FCHSD2: variants seen among roughly 807,000 people sequenced by gnomAD.
FCHSD2 encodes the protein F-BAR and double SH3 domains protein 2.
FCHSD2 carries 38 observed loss-of-function variants against 108.1 expected under a neutral mutation model. That is an observed-to-expected ratio of 0.35 (90% CI 0.27 to 0.46). FCHSD2 has a LOEUF of 0.46. FCHSD2 is among the 20% of genes least tolerant of loss of function. The pLI, the probability that FCHSD2 is intolerant of heterozygous loss-of-function variation, is 1.00. For missense variants in FCHSD2, 751 were observed against 897.8 expected, an observed-to-expected ratio of 0.84 and a Z score of 2.09; for synonymous variants, 279 against 314.7, an observed-to-expected ratio of 0.89 and a Z score of 1.20.
intron 2 of FCHSD2, among the ~76,000 whole-genome samples, chr11:73,133,070 A>T (rs2135573794): frequency 6.6e-6 from 1 of 152,270 alleles, no homozygotes; most frequent in Middle Eastern, 3.4e-3. Flanking sequence ...TTACAATATC[A>T]CTTCACATCC....
intron 13 of FCHSD2, among the ~76,000 whole-genome samples, chr11:72,857,709 C>G (rs931698349): frequency 6.6e-6 from 1 of 151,826 alleles, no homozygotes; most frequent in Non-Finnish European, 1.5e-5. Context: ...CTCGGCCTTC[C>G]AAAGTGCTTG....
At chr11:73,079,489 T>C (rs893882451) in intron 3 of FCHSD2, among the ~76,000 whole-genome samples, 10 of 152,152 alleles carry the variant, frequency 6.6e-5, no homozygotes, top group African/African-American at 9.7e-5. Flanking sequence ...TGAGCCACTT[T>C]GCCTGGCCTA....
chr11:73,064,885 AG>A (rs2135491870), intron 3 of FCHSD2, among the ~76,000 whole-genome samples: 1 of 152,362 alleles, frequency 6.6e-6, no homozygotes, highest in South Asian at 2.1e-4. Flanking sequence ...AACTAAAAAA[AG>A]TCCAGGACCA....
intron 14 of FCHSD2, 148 bp downstream of exon 14, chr11:72,849,607 A>G: frequency 1.5e-6 from 1 of 662,676 alleles, no homozygotes; most frequent in South Asian, 2.0e-5. Context: ...GTCAGAGCCT[A>G]AACTCATCAC....
At chr11:73,082,256 G>C (rs1034161680) in intron 3 of FCHSD2, among the ~76,000 whole-genome samples, 4 of 132,258 alleles carry the variant, frequency 3.0e-5, no homozygotes, top group African/African-American at 1.1e-4. Flanking sequence ...AGAATCGCTT[G>C]AATCTGGGAG....
At chr11:73,122,306 G>GT (rs1489789226) in intron 2 of FCHSD2, among the ~76,000 whole-genome samples, 2 of 152,050 alleles carry the variant, frequency 1.3e-5, no homozygotes, top group East Asian at 3.8e-4. Flanking sequence ...AAACTTCCCC[G>GT]TATTAGAGAC....
chr11:73,135,457 G>C (rs1215282222), intron 2 of FCHSD2, among the ~76,000 whole-genome samples: 1 of 151,806 alleles, frequency 6.6e-6, no homozygotes. Context: ...TTAAATTCTG[G>C]GTCACTGCAA....
At chr11:73,115,302 G>C (rs1422507455) in intron 2 of FCHSD2, among the ~76,000 whole-genome samples, 1 of 152,180 alleles carries the variant, frequency 6.6e-6, no homozygotes, top group East Asian at 1.9e-4. Context: ...GTATGGAAGA[G>C]GGGTGGCGTT....
intron 5 of FCHSD2, among the ~76,000 whole-genome samples, chr11:72,989,942 G>A (rs555660055): frequency 6.6e-6 from 1 of 152,176 alleles, no homozygotes; most frequent in African/African-American, 2.4e-5. Flanking sequence ...TATTGTGCAA[G>A]GGTGAATAGT....
At chr11:73,040,965 G>A (rs148783664) in intron 3 of FCHSD2, among the ~76,000 whole-genome samples, 22 of 152,232 alleles carry the variant, frequency 1.4e-4, no homozygotes, top group African/African-American at 4.8e-4. Flanking sequence ...ATATCAGTGA[G>A]TGAGAACATG....
chr11:72,934,420 T>C (rs1856259885), intron 8 of FCHSD2, among the ~76,000 whole-genome samples: 1 of 148,218 alleles, frequency 6.7e-6, no homozygotes, highest in South Asian at 2.2e-4. Flanking sequence ...AACCTCCACC[T>C]CCTGGGTTCA....
chr11:73,063,739 A>T (rs547288674), intron 3 of FCHSD2, among the ~76,000 whole-genome samples: 1 of 152,336 alleles, frequency 6.6e-6, no homozygotes, highest in South Asian at 2.1e-4. Context: ...AGAAGAGCTA[A>T]CTATCCTAAA....
chr11:72,925,596 C>T (rs957459154), intron 8 of FCHSD2, among the ~76,000 whole-genome samples: 4 of 152,184 alleles, frequency 2.6e-5, no homozygotes, highest in Non-Finnish European at 4.4e-5. Context: ...TTTGTTGCCA[C>T]GGTGTATTTC....
At chr11:72,905,817 T>C (rs1425198278) in intron 9 of FCHSD2, among the ~76,000 whole-genome samples, 2 of 152,218 alleles carry the variant, frequency 1.3e-5, no homozygotes, top group African/African-American at 4.8e-5. Flanking sequence ...ATGTGCTATA[T>C]TTTCTTAATC....
intron 5 of FCHSD2, among the ~76,000 whole-genome samples, chr11:72,991,451 C>G (rs1455564470): frequency 6.6e-6 from 1 of 152,102 alleles, no homozygotes; most frequent in South Asian, 2.1e-4. Flanking sequence ...AACATCGATG[C>G]AAAAATCCTC....
chr11:73,139,926 G>A (rs1316353751), intron 2 of FCHSD2, 105 bp downstream of exon 2: 3 of 619,578 alleles, frequency 4.8e-6, no homozygotes, highest in East Asian at 3.0e-5. Context: ...CCTTAAAGCA[G>A]GAAATCCAAA....
intron 12 of FCHSD2, among the ~76,000 whole-genome samples, chr11:72,872,551 G>A (rs1272242862): frequency 6.6e-6 from 1 of 151,838 alleles, no homozygotes; most frequent in Non-Finnish European, 1.5e-5. Flanking sequence ...ATAATACATG[G>A]TCTTTTATGA....
intron 8 of FCHSD2, among the ~76,000 whole-genome samples, chr11:72,946,620 T>C (rs1225622614): frequency 2.6e-5 from 4 of 152,228 alleles, no homozygotes; most frequent in South Asian, 2.1e-4. Flanking sequence ...TATCCTCTAA[T>C]GCAAGTCTGT....
chr11:72,849,632 G>T, intron 14 of FCHSD2, 123 bp downstream of exon 14: 1 of 743,336 alleles, frequency 1.3e-6, no homozygotes. Context: ...CTGTTATGTT[G>T]CCCCAATATT....
Sources: allele counts gnomAD v4.1 joint callset (sites outside exome capture counted in the v4.1 genomes callset), GRCh38; gene constraint gnomAD v4.1.1; transcripts MANE v1.5; gene names NCBI Gene and HGNC (gene_info 2026-07-23, HGNC 2026-07-21).